CALM2: variants seen among roughly 807,000 people sequenced by gnomAD.
CALM2 encodes calmodulin 2.
A neutral mutation model predicts 19.8 loss-of-function variants in CALM2; 2 were observed. The ratio of observed to expected loss-of-function variants is 0.10; its 90% confidence interval spans 0.04 to 0.32. The LOEUF is 0.32. Ranked by LOEUF, CALM2 falls within the 10% of genes least tolerant of loss-of-function variation. CALM2 has a pLI of 1.00. For missense variants in CALM2, 38 were observed against 178.7 expected, an observed-to-expected ratio of 0.21 and a Z score of 4.49; for synonymous variants, 51 against 52.1, an observed-to-expected ratio of 0.98 and a Z score of 0.09.
chr2:47,160,753 T>G lies in CALM2; in HGVS notation c.*23A>C. ...AAATAAACAATTTTGTACAAGAAATTTAACACATTCTGTACAAGGTCTTCA... is the reference window on the plus strand; with the variant it reads ...AAATAAACAATTTTGTACAAGAAATGTAACACATTCTGTACAAGGTCTTCA... On this transcript the variant is annotated 3_prime_UTR_variant, in exon 6 of 6. Coordinates refer to ENST00000272298, the MANE Select transcript of CALM2 (RefSeq NM_001743.6). The G allele has an allele frequency of 2.2e-6, 3 of 1,384,676 alleles. No individual in the cohort carries two copies. The highest frequency in any genetic ancestry group is 2.9e-6 in the Non-Finnish European group (3 of 1,027,904). 85.8% of individuals were successfully genotyped at this position (1,384,676 alleles called of 1,614,324 possible). A position where few individuals can be genotyped will look rare whatever the true frequency, so the allele number is the denominator to read the frequency against.
At chr2:47,167,089 C>T (rs1177019670) in intron 2 of CALM2, among the ~76,000 whole-genome samples, 3 of 152,124 alleles carry the variant, frequency 2.0e-5, no homozygotes, top group African/African-American at 7.2e-5. Flanking sequence ...TGTTTATTAA[C>T]TTCTATTTCT....
intron 1 of CALM2, 109 bp from the exon 2 acceptor site, chr2:47,170,873 T>C (rs1387829817): frequency 1.2e-6 from 1 of 858,500 alleles, no homozygotes; most frequent in Non-Finnish European, 2.0e-6. Flanking sequence ...TTTCATTTAG[T>C]TCCAGCAACA....
intron 1 of CALM2, chr2:47,172,492 T>A: frequency 8.2e-7 from 1 of 1,221,030 alleles, no homozygotes; most frequent in African/African-American, 1.6e-5. Context: ...TTATTTCATA[T>A]AAATTAACAA....
intron 2 of CALM2, 122 bp from the exon 3 acceptor site, chr2:47,162,784 A>C: frequency 2.5e-6 from 2 of 801,994 alleles, no homozygotes; most frequent in Non-Finnish European, 1.9e-6. Context: ...CAGCCACTGC[A>C]CTTCAGCCTG....
intron 2 of CALM2, among the ~76,000 whole-genome samples, chr2:47,165,700 T>TA (rs1666444957): frequency 6.6e-6 from 1 of 152,162 alleles, no homozygotes; most frequent in Non-Finnish European, 1.5e-5. Context: ...AAGATATCTT[T>TA]AGTCTACCCA....
intron 1 of CALM2, among the ~76,000 whole-genome samples, chr2:47,175,324 T>A (rs1005863132): frequency 2.0e-5 from 3 of 152,056 alleles, no homozygotes; most frequent in Non-Finnish European, 4.4e-5. Context: ...TCTTGAACAT[T>A]AGGACTGCAC....
chr2:47,166,690 C>G (rs1666485654), intron 2 of CALM2, among the ~76,000 whole-genome samples: 2 of 152,100 alleles, frequency 1.3e-5, no homozygotes, highest in African/African-American at 4.8e-5. Context: ...AATTCACCTG[C>G]CTTTACAGTT....
At chr2:47,165,418 T>TA (rs1209775447) in intron 2 of CALM2, among the ~76,000 whole-genome samples, 4 of 152,260 alleles carry the variant, frequency 2.6e-5, no homozygotes, top group East Asian at 3.9e-4. Context: ...TCACCCCCCA[T>TA]AAAAAAATTA....
intron 2 of CALM2, 29 bp downstream of exon 2, chr2:47,170,705 T>C (rs1240642884): frequency 2.5e-6 from 4 of 1,576,786 alleles, no homozygotes; most frequent in Non-Finnish European, 2.6e-6. Flanking sequence ...AAGAATCTAA[T>C]GGGTACAATC....
chr2:47,175,810 C>G (rs1214519249), intron 1 of CALM2, among the ~76,000 whole-genome samples: 1 of 147,982 alleles, frequency 6.8e-6, no homozygotes, highest in Non-Finnish European at 1.5e-5. Flanking sequence ...TCCCGCGAGG[C>G]GCTCGCCCGC....
At chr2:47,168,248 A>T (rs1037962538) in intron 2 of CALM2, among the ~76,000 whole-genome samples, 1 of 152,176 alleles carries the variant, frequency 6.6e-6, no homozygotes, top group African/African-American at 2.4e-5. Context: ...AGGTCCAAGG[A>T]ATGGCTTTAA....
intron 5 of CALM2, among the ~76,000 whole-genome samples, chr2:47,161,292 G>A (rs1573213439): frequency 6.6e-6 from 1 of 152,290 alleles, no homozygotes; most frequent in South Asian, 2.1e-4. Flanking sequence ...TGAAGCACAT[G>A]TAAACTTCAG....
intron 1 of CALM2, chr2:47,172,425 G>T (rs745691143): frequency 1.3e-6 from 1 of 775,696 alleles, no homozygotes; most frequent in South Asian, 1.4e-5. Flanking sequence ...TTGCAGGGTT[G>T]TTGTGCAAAG....
chr2:47,164,393 G>A (rs1351228550), intron 2 of CALM2, among the ~76,000 whole-genome samples: 1 of 130,958 alleles, frequency 7.6e-6, no homozygotes, highest in Non-Finnish European at 1.6e-5. Flanking sequence ...CACACGCTGG[G>A]TGTGGCAGCG....
At chr2:47,165,953 C>G (rs1400722049) in intron 2 of CALM2, among the ~76,000 whole-genome samples, 1 of 152,166 alleles carries the variant, frequency 6.6e-6, no homozygotes, top group Non-Finnish European at 1.5e-5. Flanking sequence ...GTTCAAGGCT[C>G]CATCGTCCTT....
At chr2:47,164,609 G>T (rs1266067261) in intron 2 of CALM2, among the ~76,000 whole-genome samples, 2 of 149,198 alleles carry the variant, frequency 1.3e-5, no homozygotes, top group Non-Finnish European at 3.0e-5. Flanking sequence ...AAAAAAAAAA[G>T]AAAGAAAGAA....
intron 2 of CALM2, 54 bp downstream of exon 2, chr2:47,170,680 T>G: frequency 7.5e-7 from 1 of 1,332,418 alleles, no homozygotes; most frequent in Non-Finnish European, 1.1e-6. Context: ...TGACGTTGGC[T>G]ATTCAATTTA....
upstream of CALM2, chr2:47,176,840 G>A: frequency 1.0e-6 from 1 of 985,458 alleles, no homozygotes; most frequent in African/African-American, 1.7e-5. Flanking sequence ...CTGATTGGCT[G>A]GTTTGTACCT....
chr2:47,168,427 C>T (rs1439927221), intron 2 of CALM2, among the ~76,000 whole-genome samples: 2 of 152,082 alleles, frequency 1.3e-5, no homozygotes, highest in South Asian at 2.1e-4. Context: ...TTTTGATGAA[C>T]TACAAGTATT....
Sources: gnomAD v4.1 joint callset for allele counts (sites outside exome capture counted in the v4.1 genomes callset) on GRCh38, gnomAD v4.1.1 for gene constraint, MANE v1.5 for transcripts, NCBI Gene and HGNC (gene_info 2026-07-23, HGNC 2026-07-21) for gene names.